The following POMP variants were observed in gnomAD, a reference collection of about 807,000 sequenced individuals.
POMP encodes the protein 2510048O06Rik.
In POMP, 12 loss-of-function variants were observed where a neutral mutation model predicts 20.6. The observed-to-expected ratio is 0.58, with a 90% confidence interval of 0.37 to 0.94. The LOEUF (loss-of-function observed/expected upper bound fraction) is 0.94, where lower values mean the gene tolerates loss of function less well. Ranked by LOEUF, POMP falls within the 40% of genes least tolerant of loss-of-function variation. The pLI, the probability that POMP is intolerant of heterozygous loss-of-function variation, is 0.01. For synonymous variants in POMP, 53 were observed against 55.0 expected (o/e 0.96, Z 0.16); for missense variants, 136 against 161.1 (o/e 0.84, Z 0.84).
intron 5 of POMP, 65 bp from the exon 6 acceptor site, chr13:28,677,970 C>A: frequency 6.8e-7 from 1 of 1,465,038 alleles, no homozygotes; most frequent in Non-Finnish European, 9.5e-7. Flanking sequence ...CTTATGTAAG[C>A]AGAATCATTG....
intron 1 of POMP, 28 bp downstream of exon 1, chr13:28,659,215 T>G: frequency 6.3e-7 from 1 of 1,583,084 alleles, no homozygotes; most frequent in Non-Finnish European, 8.6e-7. Flanking sequence ...CGGCTGGAGT[T>G]CCACGCGGGC....
chr13:28,660,855 G>C (rs1367546263), intron 1 of POMP, among the ~76,000 whole-genome samples: 4 of 152,180 alleles, frequency 2.6e-5, no homozygotes, highest in African/African-American at 7.2e-5. Flanking sequence ...GAGGTTTCAT[G>C]CTTGAGGAAA....
intron 5 of POMP, among the ~76,000 whole-genome samples, chr13:28,676,205 C>T (rs757486264): frequency 6.6e-6 from 1 of 152,080 alleles, no homozygotes; most frequent in African/African-American, 2.4e-5. Context: ...GGGGTTTCAC[C>T]GTGTTAGCCA....
rs756951629 is a variant in POMP, at chr13:28,664,505, T to C, written c.102-4T>C. ...TAAATGTTTTTTTTTTAATGTCCTT[T>C]CAGTTTTTCTTGTGTGAAAAATGAA... On this transcript the variant is annotated splice_region_variant and splice_polypyrimidine_tract_variant and intron_variant, in intron 2 of 5. Coordinates refer to ENST00000380842, the MANE Select transcript of POMP (RefSeq NM_015932.6). The C allele has an allele frequency of 3.2e-6, 5 of 1,570,290 alleles. No homozygotes were observed. In the South Asian group the frequency reaches 4.5e-5, roughly 14 times the overall value.
At chr13:28,670,417 C>T (rs1019844028) in intron 4 of POMP, among the ~76,000 whole-genome samples, 1 of 152,226 alleles carries the variant, frequency 6.6e-6, no homozygotes, top group African/African-American at 2.4e-5. Context: ...TGCTACTATG[C>T]TGGTCCTTGC....
intron 1 of POMP, among the ~76,000 whole-genome samples, chr13:28,660,731 T>C (rs1181301219): frequency 6.6e-6 from 1 of 152,182 alleles, no homozygotes; most frequent in Non-Finnish European, 1.5e-5. Context: ...ACTTCTTGTA[T>C]GTAGGGGAGT....
chr13:28,660,393 A>C (rs1884311970), intron 1 of POMP, among the ~76,000 whole-genome samples: 1 of 152,202 alleles, frequency 6.6e-6, no homozygotes, highest in Non-Finnish European at 1.5e-5. Context: ...CTTTTTAATA[A>C]AGTAGGCTTT....
At chr13:28,659,598 C>A in intron 1 of POMP, among the ~76,000 whole-genome samples, 1 of 152,282 alleles carries the variant, frequency 6.6e-6, no homozygotes, top group East Asian at 1.9e-4. Context: ...CTCCTCATCT[C>A]CCCCAGCCCC....
intron 2 of POMP, among the ~76,000 whole-genome samples, chr13:28,663,134 G>T (rs1245452654): frequency 1.3e-5 from 2 of 151,762 alleles, no homozygotes; most frequent in Non-Finnish European, 2.9e-5. Context: ...CCATGTTTTT[G>T]ATTTCCTTTT....
chr13:28,668,095 A>G (rs935873176), intron 3 of POMP, among the ~76,000 whole-genome samples: 8 of 152,176 alleles, frequency 5.3e-5, no homozygotes, highest in African/African-American at 7.2e-5. Flanking sequence ...GAAATTAACT[A>G]TTTTTGTCAG....
At position 28,675,292 on chromosome 13, in the gene POMP, G is replaced by C. The variant is rs933327312; in HGVS notation, c.359-2743G>C. 2.0e-5 allele frequency among the ~76,000 whole-genome samples: 3 copies of C among 151,960 alleles called. No individual in the cohort carries two copies. In the East Asian group the frequency reaches 5.9e-4, roughly 30 times the overall value. ...GGTAGCTGGGATTACAGGTGCCCACGACCACACCTGCCTAATTTTGTATTT... is the reference window on the plus strand; with the variant it reads ...GGTAGCTGGGATTACAGGTGCCCACCACCACACCTGCCTAATTTTGTATTT... On this transcript the variant is annotated intron_variant, in intron 5 of 5. Coordinates refer to ENST00000380842, the MANE Select transcript of POMP (RefSeq NM_015932.6).
At position 28,659,199 on chromosome 13, in the gene POMP, C is replaced by G; in HGVS notation, c.3+12C>G. The G allele has an allele frequency of 1.3e-6, 2 of 1,589,338 alleles. No individual in the cohort carries two copies. The highest frequency in any genetic ancestry group is 1.7e-6 in the Non-Finnish European group (2 of 1,169,028). ...AGCTGCGGAAGATGGTGAGTGGGTACCCGGGCGGCTGGAGTTCCACGCGGG... is the reference window on the plus strand; with the variant it reads ...AGCTGCGGAAGATGGTGAGTGGGTAGCCGGGCGGCTGGAGTTCCACGCGGG... On this transcript the variant is annotated intron_variant, in intron 1 of 5. Transcript: ENST00000380842.
chr13:28,665,643 CT>C (rs1174522215), intron 3 of POMP, among the ~76,000 whole-genome samples: 4 of 152,176 alleles, frequency 2.6e-5, no homozygotes, highest in African/African-American at 9.7e-5. Flanking sequence ...ACATTGATCC[CT>C]GAAACTGTTT....
chr13:28,664,479 CTA>C (rs1227928572), intron 2 of POMP, 28 bp from the exon 3 acceptor site: 2 of 1,458,794 alleles, frequency 1.4e-6, no homozygotes, highest in Non-Finnish European at 1.9e-6. Context: ...TTAATCTCCT[CTA>C]AATGTTTTTT....
chr13:28,668,456 T>TAAA lies in POMP; in HGVS notation c.163-16_163-15insAAA. 6.5e-7 allele frequency: 1 copy of TAAA among 1,549,036 alleles called. No individual in the cohort carries two copies. Among genetic ancestry groups the TAAA allele is most frequent in the Non-Finnish European group, 8.9e-7 (1 of 1,121,284 alleles). On this transcript the variant is annotated splice_polypyrimidine_tract_variant and intron_variant, in intron 3 of 5. Transcript: ENST00000380842. ...GAGTATTGAGTGTAATGTTTAAAATTACATTGTCTTTTGTAGTTCCAGCTC... is the reference window on the plus strand; with the variant it reads ...GAGTATTGAGTGTAATGTTTAAAATTAAAACATTGTCTTTTGTAGTTCCAGCTC...
chr13:28,672,285 G>C, intron 4 of POMP, 54 bp from the exon 5 acceptor site: 17 of 1,324,092 alleles, frequency 1.3e-5, no homozygotes, highest in Non-Finnish European at 1.6e-5. Flanking sequence ...TATATATTCT[G>C]TCATTTTCCC....
intron 5 of POMP, among the ~76,000 whole-genome samples, chr13:28,675,143 A>ACTTTTTTT (rs1555257279): frequency 6.6e-6 from 1 of 150,646 alleles, no homozygotes; most frequent in African/African-American, 2.5e-5. Flanking sequence ...GTTTAGGTAG[A>ACTTTTTTT]TTTTTTTTGT....
At chr13:28,673,411 G>T (rs192027703) in intron 5 of POMP, among the ~76,000 whole-genome samples, 460 of 152,318 alleles carry the variant, frequency 3.0e-3, no homozygotes, top group Non-Finnish European at 4.7e-3. Context: ...AATTGTAAAT[G>T]AATTTAAGTA....
At chr13:28,671,756 G>A (rs1884550632) in intron 4 of POMP, among the ~76,000 whole-genome samples, 1 of 151,942 alleles carries the variant, frequency 6.6e-6, no homozygotes, top group South Asian at 2.1e-4. Context: ...TTTGTTGGGG[G>A]TGGGGGGAAT....
Sources: gnomAD v4.1 joint callset for allele counts (sites outside exome capture counted in the v4.1 genomes callset) on GRCh38, gnomAD v4.1.1 for gene constraint, MANE v1.5 for transcripts, NCBI Gene and HGNC (gene_info 2026-07-23, HGNC 2026-07-21) for gene names.